The following CA10 variants were observed in gnomAD, a reference collection of about 807,000 sequenced individuals.
CA10 encodes carbonic anhydrase-related protein 10.
A neutral mutation model predicts 44.2 loss-of-function variants in CA10; 14 were observed. That is an observed-to-expected ratio of 0.32 (90% CI 0.21 to 0.50). CA10 has a LOEUF of 0.50. Ranked by LOEUF, CA10 falls within the 20% of genes least tolerant of loss-of-function variation. CA10 has a pLI of 0.99. For synonymous variants in CA10, 159 were observed against 141.6 expected (o/e 1.12, Z -0.87); for missense variants, 350 against 409.7 (o/e 0.85, Z 1.26).
chr17:51,684,301 C>T (rs1017621831), intron 4 of CA10, among the ~76,000 whole-genome samples: 1 of 152,170 alleles, frequency 6.6e-6, no homozygotes, highest in Non-Finnish European at 1.5e-5. Context: ...CAGTGAAACC[C>T]ACTTTGGGCT....
chr17:52,096,169 G>A (rs754472399), intron 1 of CA10, among the ~76,000 whole-genome samples: 1 of 152,102 alleles, frequency 6.6e-6, no homozygotes, highest in Non-Finnish European at 1.5e-5. Context: ...GGGGTACATA[G>A]GCTGACATAA....
intron 2 of CA10, among the ~76,000 whole-genome samples, chr17:52,042,092 T>C (rs1986785423): frequency 6.6e-6 from 1 of 152,098 alleles, no homozygotes. Flanking sequence ...CTGATGTCAT[T>C]TCCTTTGGGT....
At chr17:51,726,697 T>C (rs986845485) in intron 4 of CA10, among the ~76,000 whole-genome samples, 4 of 152,238 alleles carry the variant, frequency 2.6e-5, no homozygotes, top group African/African-American at 9.6e-5. Context: ...TTAACTATAC[T>C]GGTAGCCTTT....
chr17:52,074,992 C>A (rs1290222042), intron 1 of CA10, among the ~76,000 whole-genome samples: 1 of 152,118 alleles, frequency 6.6e-6, no homozygotes, highest in Non-Finnish European at 1.5e-5. Context: ...TACATAGTCT[C>A]TAGAGTTGCT....
At chr17:51,780,178 TGACTTAGA>T in intron 3 of CA10, among the ~76,000 whole-genome samples, 2 of 152,350 alleles carry the variant, frequency 1.3e-5, no homozygotes, top group Admixed American at 6.5e-5. Context: ...AGAGAGTTTG[TGACTTAGA>T]TGTCTTCCTG....
intron 1 of CA10, among the ~76,000 whole-genome samples, chr17:52,123,354 T>C (rs1989051778): frequency 7.4e-6 from 1 of 134,740 alleles, no homozygotes; most frequent in Non-Finnish European, 1.6e-5. Context: ...TGTGTGTGTA[T>C]GTGTGTATAT....
At chr17:51,880,217 A>T (rs2143884220) in intron 3 of CA10, among the ~76,000 whole-genome samples, 1 of 152,122 alleles carries the variant, frequency 6.6e-6, no homozygotes, top group Non-Finnish European at 1.5e-5. Context: ...TCCTCCCTTT[A>T]TTCCTCCTGA....
chr17:52,154,720 C>T (rs1488627277), intron 1 of CA10, among the ~76,000 whole-genome samples: 1 of 152,216 alleles, frequency 6.6e-6, no homozygotes, highest in African/African-American at 2.4e-5. Context: ...ACTCCCAAAT[C>T]ATGCCCTTTA....
chr17:51,661,458 C>T (rs975573469), intron 4 of CA10: 2 of 152,164 alleles, frequency 1.3e-5, no homozygotes, highest in Non-Finnish European at 2.9e-5. Flanking sequence ...GCAAGTCTCT[C>T]ATCTATAAGA....
At chr17:51,660,890 C>G (rs1003342393) in intron 4 of CA10, among the ~76,000 whole-genome samples, 2 of 152,014 alleles carry the variant, frequency 1.3e-5, no homozygotes, top group African/African-American at 4.8e-5. Flanking sequence ...TCCTCCTTTC[C>G]TAGAACACAT....
chr17:51,758,693 A>G (rs1905139726), intron 3 of CA10, among the ~76,000 whole-genome samples: 1 of 152,186 alleles, frequency 6.6e-6, no homozygotes, highest in African/African-American at 2.4e-5. Flanking sequence ...CTACTGAACC[A>G]CCACTGCCAA....
At chr17:51,885,129 A>C (rs184993427) in intron 3 of CA10, among the ~76,000 whole-genome samples, 8 of 152,348 alleles carry the variant, frequency 5.3e-5, no homozygotes, top group Admixed American at 5.2e-4. Context: ...ATGACATACA[A>C]CATATTTTTA....
chr17:51,965,484 G>A (rs1984047713), intron 2 of CA10, among the ~76,000 whole-genome samples: 1 of 151,752 alleles, frequency 6.6e-6, no homozygotes, highest in Admixed American at 6.6e-5. Flanking sequence ...ATCGAATCCA[G>A]CAGCACATCA....
chr17:51,906,305 G>A (rs1981549633), intron 3 of CA10, among the ~76,000 whole-genome samples: 1 of 151,950 alleles, frequency 6.6e-6, no homozygotes, highest in Non-Finnish European at 1.5e-5. Context: ...CACTGAAACT[G>A]CTCCCATCAA....
intron 3 of CA10, among the ~76,000 whole-genome samples, chr17:51,811,190 GAAA>G (rs35275627): frequency 4.0e-5 from 5 of 125,228 alleles, no homozygotes; most frequent in African/African-American, 5.9e-5. Flanking sequence ...ACTCCATCTC[GAAA>G]AAAAAAAAAA....
In CA10 at chr17:52,039,193, G is replaced by A. The variant is rs73343623; in HGVS notation, c.136+33126C>T. Among the ~76,000 whole-genome samples the A allele has an allele frequency of 9.2e-3, 1,406 of 152,136 alleles. 28 individuals are homozygous for A. The highest frequency in any genetic ancestry group is 0.032 in the African/African-American group (1,344 of 41,486). ...GATATGATTCCAAGAAAGCAAATAC[G>A]TATTAGACAAATTTCTCTCTGAGTA... On this transcript the variant is annotated intron_variant, in intron 2 of 8. Transcript: ENST00000451037.
rs912043171 is a variant in CA10, at chr17:51,863,436, C to T, written c.279+67554G>A. Among the ~76,000 whole-genome samples the T allele has an allele frequency of 2.6e-5, 4 of 152,342 alleles. No individual in the cohort carries two copies. In the East Asian group the frequency reaches 7.7e-4, roughly 29 times the overall value. On this transcript the variant is annotated intron_variant, in intron 3 of 8. Transcript: ENST00000451037. ...TTCATGACATACTAGGATGCATTTG[C>T]ATGCAAATAGCCTTACCATTGCTGG...
chr17:52,159,133 G>T (rs985014353), upstream of CA10: 2 of 152,336 alleles, frequency 1.3e-5, no homozygotes, highest in Non-Finnish European at 2.9e-5. Flanking sequence ...CTCATCCTGG[G>T]AGTGCTGTGC....
chr17:51,693,757 C>T (rs900044282), intron 4 of CA10, among the ~76,000 whole-genome samples: 4 of 152,108 alleles, frequency 2.6e-5, no homozygotes, highest in Non-Finnish European at 5.9e-5. Context: ...TGGGGGGCCC[C>T]TAGGTTGATC....
Sources: gnomAD v4.1 joint callset for allele counts (sites outside exome capture counted in the v4.1 genomes callset) on GRCh38, gnomAD v4.1.1 for gene constraint, MANE v1.5 for transcripts, NCBI Gene and HGNC (gene_info 2026-07-23, HGNC 2026-07-21) for gene names.